The following ADAMTS6 variants were observed in gnomAD, a reference collection of about 807,000 sequenced individuals.
ADAMTS6 encodes ADAM metallopeptidase with thrombospondin type 1 motif 6, also known as A disintegrin and metalloproteinase with thrombospondin motifs 6.
A neutral mutation model predicts 144.3 loss-of-function variants in ADAMTS6; 23 were observed. That is an observed-to-expected ratio of 0.16 (90% CI 0.11 to 0.23). The LOEUF (loss-of-function observed/expected upper bound fraction) is 0.23. ADAMTS6 is among the 10% of genes least tolerant of loss of function. The pLI is 1.00. For missense variants in ADAMTS6, 999 were observed against 1,379.6 expected (o/e 0.72, Z 4.37); for synonymous variants, 444 against 457.5 (o/e 0.97, Z 0.38).
At chr5:65,371,344 A>G (rs1458441298) in intron 7 of ADAMTS6, among the ~76,000 whole-genome samples, 2 of 152,140 alleles carry the variant, frequency 1.3e-5, no homozygotes, top group East Asian at 3.9e-4. Context: ...GGACATTCAA[A>G]CCAAAGGCAA....
At chr5:65,289,319 G>C (rs577055398) in intron 11 of ADAMTS6, among the ~76,000 whole-genome samples, 5 of 152,304 alleles carry the variant, frequency 3.3e-5, no homozygotes, top group African/African-American at 1.2e-4. Context: ...CTGATCACTT[G>C]AGGTCAGGAG....
At chr5:65,161,461 T>C (rs1365613818) in intron 24 of ADAMTS6, among the ~76,000 whole-genome samples, 1 of 152,242 alleles carries the variant, frequency 6.6e-6, no homozygotes, top group Non-Finnish European at 1.5e-5. Flanking sequence ...TTTCCAACTA[T>C]GTGTTATATA....
At chr5:65,271,533 AC>A (rs1479388888) in intron 12 of ADAMTS6, among the ~76,000 whole-genome samples, 3 of 152,176 alleles carry the variant, frequency 2.0e-5, no homozygotes, top group African/African-American at 7.2e-5. Context: ...TATCATATAT[AC>A]GCACATATAT....
intron 7 of ADAMTS6, among the ~76,000 whole-genome samples, chr5:65,445,430 C>T (rs925238282): frequency 6.6e-5 from 10 of 152,274 alleles, no homozygotes; most frequent in Non-Finnish European, 1.5e-4. Flanking sequence ...CTCCGCCTCT[C>T]GGGTTCAAGC....
chr5:65,311,878 A>G (rs1730254273), intron 9 of ADAMTS6, among the ~76,000 whole-genome samples: 1 of 152,078 alleles, frequency 6.6e-6, no homozygotes, highest in African/African-American at 2.4e-5. Context: ...TAGCGAAGGA[A>G]AATCTTAAAA....
At chr5:65,230,895 C>CAT (rs1224370516) in intron 15 of ADAMTS6, among the ~76,000 whole-genome samples, 2 of 141,242 alleles carry the variant, frequency 1.4e-5, no homozygotes, top group African/African-American at 2.6e-5. Context: ...ATATAAAATA[C>CAT]ATATATATAT....
At chr5:65,445,030 C>T (rs1206441411) in intron 7 of ADAMTS6, among the ~76,000 whole-genome samples, 2 of 152,182 alleles carry the variant, frequency 1.3e-5, no homozygotes. Flanking sequence ...TACATCAATA[C>T]ATCCATAAAA....
chr5:65,473,277 T>G (rs1023336252), intron 2 of ADAMTS6, among the ~76,000 whole-genome samples: 3 of 152,094 alleles, frequency 2.0e-5, no homozygotes, highest in African/African-American at 7.2e-5. Flanking sequence ...GCCCATAAAC[T>G]CTAGTAATGA....
chr5:65,323,106 TATTTA>T (rs1745784304), intron 9 of ADAMTS6, among the ~76,000 whole-genome samples: 1 of 152,130 alleles, frequency 6.6e-6, no homozygotes, highest in African/African-American at 2.4e-5. Context: ...TTCATTTATT[TATTTA>T]TTTTTAATTT....
At chr5:65,213,901 G>A (rs546354154) in intron 20 of ADAMTS6, 2 of 155,480 alleles carry the variant, frequency 1.3e-5, no homozygotes, top group Non-Finnish European at 2.9e-5. Context: ...TTCTGGAATG[G>A]TGAGGTGATC....
intron 15 of ADAMTS6, among the ~76,000 whole-genome samples, chr5:65,232,459 G>C (rs1289184333): frequency 2.0e-5 from 3 of 151,738 alleles, no homozygotes; most frequent in Admixed American, 6.6e-5. Flanking sequence ...CATACCTTTA[G>C]CTATACTAGG....
chr5:65,343,348 T>C (rs1307685238), intron 7 of ADAMTS6, among the ~76,000 whole-genome samples: 1 of 151,962 alleles, frequency 6.6e-6, no homozygotes, highest in Admixed American at 6.6e-5. Flanking sequence ...AAAACAGATG[T>C]ATAGACCAAT....
chr5:65,229,937 A>G (rs1352685628), intron 15 of ADAMTS6, among the ~76,000 whole-genome samples: 3 of 152,144 alleles, frequency 2.0e-5, no homozygotes, highest in Admixed American at 6.6e-5. Flanking sequence ...GCTGAACCCA[A>G]TGAAGACTTC....
chr5:65,272,162 T>G (rs1039735499), intron 12 of ADAMTS6, among the ~76,000 whole-genome samples: 2 of 152,192 alleles, frequency 1.3e-5, no homozygotes, highest in African/African-American at 4.8e-5. Context: ...AAGCTGAAAC[T>G]CAGCATAATC....
chr5:65,370,010 A>G (rs1431655062), intron 7 of ADAMTS6, among the ~76,000 whole-genome samples: 1 of 152,082 alleles, frequency 6.6e-6, no homozygotes, highest in Non-Finnish European at 1.5e-5. Flanking sequence ...AATATGTTCA[A>G]GGGGAGAGTT....
In ADAMTS6 at chr5:65,242,164, C is replaced by A. The variant is rs1759248294; in HGVS notation, c.1873G>T (p.Ala625Ser). 6.2e-7 allele frequency: 1 copy of A among 1,602,146 alleles called. No individual in the cohort carries two copies. The highest frequency in any genetic ancestry group is 8.5e-7 in the Non-Finnish European group (1 of 1,172,444). The change falls in exon 15 of 25, where the codon GCA becomes TCA. Residue 625 changes from alanine (A) to serine (S), a missense_variant. Around this residue, in one of 3 missense-constraint regions of ADAMTS6, gnomAD observed 619 missense variants for 837.0 expected, o/e 0.74. Transcript: ENST00000381055. ...CGGAAAGGCATATTGTCAAAGTCTG[C>A]ACACTGTTTCTCTCGAAAATCTCGG... ...GSRDFREKQC[A>S]DFDNMPFRGK...
intron 14 of ADAMTS6, chr5:65,251,542 G>A (rs1561331090): frequency 6.6e-6 from 1 of 152,206 alleles, no homozygotes; most frequent in Non-Finnish European, 1.5e-5. Context: ...TCCTACTGCA[G>A]CTATTGTCTT....
Position 65,170,637 on chromosome 5 carries a change from G to T in ADAMTS6, c.3224C>A (p.Thr1075Asn), listed in dbSNP as rs1561244327. The T allele has an allele frequency of 1.2e-6, 2 of 1,614,004 alleles. No individual in the cohort carries two copies. Among genetic ancestry groups the T allele is most frequent in the Non-Finnish European group, 1.7e-6 (2 of 1,179,998 alleles). ...CTCACCTTCAGTATTAGAAATGGGG[G>T]TACTGTCACATTTGCTTTCACACTG... ...MQQCESKCDSTPISNTEECKD... is the reference protein window; with the variant it reads ...MQQCESKCDSNPISNTEECKD... Residue 1075 changes from threonine to asparagine, a missense_variant, in exon 24 of 25, where the codon ACC becomes AAC. Physicochemically the swap from Thr to Asn is moderately conservative, Grantham distance 65. Around this residue, in one of 3 missense-constraint regions of ADAMTS6, gnomAD observed 619 missense variants for 837.0 expected, o/e 0.74. Transcript: ENST00000381055.
chr5:65,360,831 C>G (rs1382036504), intron 7 of ADAMTS6, among the ~76,000 whole-genome samples: 1 of 152,044 alleles, frequency 6.6e-6, no homozygotes, highest in Non-Finnish European at 1.5e-5. Context: ...TTAAAACAAC[C>G]CCAAACTTAT....
Sources: allele counts gnomAD v4.1 joint callset (sites outside exome capture counted in the v4.1 genomes callset), GRCh38; gene constraint gnomAD v4.1.1; regional missense constraint gnomAD v4.1.1; transcripts MANE v1.5; gene names NCBI Gene and HGNC (gene_info 2026-07-23, HGNC 2026-07-21).